Variants in SLC35F2 observed in about 807,000 individuals in gnomAD.
The protein encoded by SLC35F2 is queuine/queuosine transporter SLC35F2.
Under a neutral mutation model 38.1 loss-of-function variants are expected in SLC35F2, and 25 were observed. That is an observed-to-expected ratio of 0.66 (90% CI 0.48 to 0.92). SLC35F2 has a LOEUF of 0.92. SLC35F2 is among the 40% of genes least tolerant of loss of function. The pLI is 0.00. For synonymous variants in SLC35F2, 173 were observed against 181.7 expected, an observed-to-expected ratio of 0.95 and a Z score of 0.38; for missense variants, 409 against 452.9, an observed-to-expected ratio of 0.90 and a Z score of 0.88.
rs1251597765 is a variant in SLC35F2 at position 107,803,161 on chromosome 11, G to A, written c.785-6C>T. 1 of 1,588,552 alleles carries A rather than the reference G, an allele frequency of 6.3e-7. No individual in the cohort carries two copies. The highest frequency in any genetic ancestry group is 1.2e-5 in the South Asian group (1 of 86,288). On this transcript the variant is annotated splice_polypyrimidine_tract_variant and splice_region_variant and intron_variant, in intron 6 of 7. Transcript: ENST00000525815. ...AAATGCCACGAACAGCAGGGCTGTG[G>A]AAAAAAACATGGAATATCTAATATT...
At chr11:107,820,551 G>T (rs116234597) in intron 1 of SLC35F2, among the ~76,000 whole-genome samples, 1,895 of 152,222 alleles carry the variant, frequency 0.012, 49 homozygotes, top group African/African-American at 0.043. Context: ...ATCCCTCACA[G>T]TTGGTATCTT....
chr11:107,800,871 G>A (rs899487650), intron 7 of SLC35F2, among the ~76,000 whole-genome samples: 1 of 151,572 alleles, frequency 6.6e-6, no homozygotes, highest in African/African-American at 2.4e-5. Flanking sequence ...TAAAACTCTG[G>A]GGAAGAATCT....
At chr11:107,806,621 G>GAAAT (rs1555082891) in intron 4 of SLC35F2, 96 bp downstream of exon 4, 9 of 1,158,884 alleles carry the variant, frequency 7.8e-6, no homozygotes, top group Non-Finnish European at 7.7e-6. Flanking sequence ...GACTTAAAAA[G>GAAAT]AAATACTCCA....
At chr11:107,827,549 G>C (rs867139703) in intron 1 of SLC35F2, among the ~76,000 whole-genome samples, 2 of 152,192 alleles carry the variant, frequency 1.3e-5, no homozygotes, top group African/African-American at 2.4e-5. Context: ...AGGAGTTCGA[G>C]ACCAGCCTGG....
chr11:107,819,006 T>C (rs555930519), intron 1 of SLC35F2, among the ~76,000 whole-genome samples: 1 of 152,234 alleles, frequency 6.6e-6, no homozygotes, highest in South Asian at 2.1e-4. Context: ...TGGTTATAGA[T>C]ATGCTGAGAT....
intron 1 of SLC35F2, among the ~76,000 whole-genome samples, chr11:107,848,307 G>A (rs1386343250): frequency 6.6e-6 from 1 of 152,128 alleles, no homozygotes; most frequent in African/African-American, 2.4e-5. Context: ...AGGAGGAGGG[G>A]CAGCAGTTTG....
intron 3 of SLC35F2, among the ~76,000 whole-genome samples, chr11:107,807,326 T>C (rs370141311): frequency 8.2e-5 from 12 of 146,760 alleles, no homozygotes; most frequent in African/African-American, 3.0e-4. Context: ...GGTGCACTCC[T>C]GTAGTCCCAG....
intron 7 of SLC35F2, among the ~76,000 whole-genome samples, chr11:107,797,440 C>A (rs1326792166): frequency 6.6e-6 from 1 of 152,036 alleles, no homozygotes; most frequent in Non-Finnish European, 1.5e-5. Flanking sequence ...GCAGTCCCAG[C>A]TACTCAGGAG....
intron 2 of SLC35F2, among the ~76,000 whole-genome samples, chr11:107,815,118 C>A (rs1414801847): frequency 6.6e-6 from 1 of 151,874 alleles, no homozygotes; most frequent in South Asian, 2.1e-4. Flanking sequence ...GTGCAACTGA[C>A]GTTCCATTTA....
rs1185527140 is a variant in SLC35F2, at chr11:107,807,281, A to C, written c.415-405T>G. ...GAAACCCTGTCTGTACAAAAAAAAA[A>C]AAAAACAACAACAAAAAAAAACCTT... On this transcript the variant is annotated intron_variant, in intron 3 of 7. Transcript: ENST00000525815. 8.9e-5 allele frequency among the ~76,000 whole-genome samples: 8 copies of C among 89,700 alleles called. No homozygotes were observed. The South Asian group carries it at 9.6e-4, about 11-fold the overall frequency. The allele number at this position is 89,700 out of a possible 152,430, so 58.8% of individuals were successfully genotyped here. A position where few individuals can be genotyped will look rare whatever the true frequency, so the allele number is the denominator to read the frequency against.
chr11:107,858,681 C>T lies in SLC35F2; in HGVS notation c.87G>A (p.Arg29=), dbSNP rs938921014. 40 of 1,302,200 alleles carry T rather than the reference C, an allele frequency of 3.1e-5. No homozygotes were observed. The highest frequency in any genetic ancestry group is 3.8e-5 in the Non-Finnish European group (39 of 1,017,200). 80.7% of individuals were successfully genotyped at this position (1,302,200 alleles called of 1,614,324 possible). A position where few individuals can be genotyped will look rare whatever the true frequency, so the allele number is the denominator to read the frequency against. Residue 29 remains arginine, a synonymous_variant, in exon 1 of 8, where the codon AGG becomes AGA. Transcript: ENST00000525815. ...ACCAGGTGAAGAGTTTGCCTTTTAT[C>T]CTGCGCAGCAGGCTGGAGAACTCGG... ...AAAEFSSLLR[R]IKGKLFTWNI...
chr11:107,808,313 C>A (rs1485642449), intron 3 of SLC35F2, among the ~76,000 whole-genome samples: 1 of 151,516 alleles, frequency 6.6e-6, no homozygotes. Context: ...ATTAAGTGTG[C>A]CAAAATTACA....
chr11:107,835,339 T>C (rs1370086435), intron 1 of SLC35F2, among the ~76,000 whole-genome samples: 1 of 152,188 alleles, frequency 6.6e-6, no homozygotes, highest in Non-Finnish European at 1.5e-5. Context: ...CACTTCAAGA[T>C]TTTTACCTAG....
intron 1 of SLC35F2, among the ~76,000 whole-genome samples, chr11:107,819,123 C>T (rs548588705): frequency 3.0e-4 from 45 of 152,296 alleles, no homozygotes; most frequent in African/African-American, 9.6e-4. Context: ...GAGTGTCCTA[C>T]AAATATAATG....
chr11:107,804,134 C>T (rs190973659), intron 6 of SLC35F2, among the ~76,000 whole-genome samples: 136 of 152,154 alleles, frequency 8.9e-4, no homozygotes, highest in Middle Eastern at 6.8e-3. Context: ...CCGCACCAGG[C>T]CTGCAATCTA....
At chr11:107,828,656 T>A (rs1009638623) in intron 1 of SLC35F2, among the ~76,000 whole-genome samples, 1 of 152,058 alleles carries the variant, frequency 6.6e-6, no homozygotes, top group Non-Finnish European at 1.5e-5. Context: ...TGAATTAAGA[T>A]GGGATGACAA....
chr11:107,801,631 GAAA>G (rs34097885), intron 7 of SLC35F2, among the ~76,000 whole-genome samples: 16 of 144,568 alleles, frequency 1.1e-4, no homozygotes, highest in South Asian at 2.2e-4. Flanking sequence ...CTGGATCTAA[GAAA>G]AAAAAAAAAA....
chr11:107,809,329 CAAAAAAA>C (rs61511493), intron 3 of SLC35F2, among the ~76,000 whole-genome samples: 9 of 96,124 alleles, frequency 9.4e-5, no homozygotes, highest in African/African-American at 1.4e-4. Context: ...ACTCAAAATA[CAAAAAAA>C]AAAAAAAAAA....
intron 1 of SLC35F2, among the ~76,000 whole-genome samples, chr11:107,851,725 G>C (rs1860190253): frequency 6.6e-6 from 1 of 152,054 alleles, no homozygotes; most frequent in Non-Finnish European, 1.5e-5. Context: ...AACTAGATAT[G>C]ATTCCTGACT....
Sources: gnomAD v4.1 joint callset for allele counts (sites outside exome capture counted in the v4.1 genomes callset) on GRCh38, gnomAD v4.1.1 for gene constraint, MANE v1.5 for transcripts, NCBI Gene and HGNC (gene_info 2026-07-23, HGNC 2026-07-21) for gene names.